The following FBRSL1 variants were observed in gnomAD, a reference collection of about 807,000 sequenced individuals.
The protein encoded by FBRSL1 is fibrosin like 1, also known as fibrosin-1-like protein.
In FBRSL1, 51 loss-of-function variants were observed where a neutral mutation model predicts 89.6. The ratio of observed to expected loss-of-function variants is 0.57; its 90% confidence interval spans 0.45 to 0.72. FBRSL1 has a LOEUF of 0.72. Ranked by LOEUF, FBRSL1 falls within the 30% of genes least tolerant of loss-of-function variation. FBRSL1 has a pLI of 0.00. For missense variants in FBRSL1, 1,618 were observed against 1,451.8 expected, an observed-to-expected ratio of 1.11 and a Z score of -1.86; for synonymous variants, 779 against 681.1, an observed-to-expected ratio of 1.14 and a Z score of -2.24.
At chr12:132,512,511 A>G (rs901151972) in intron 2 of FBRSL1, among the ~76,000 whole-genome samples, 1 of 152,212 alleles carries the variant, frequency 6.6e-6, no homozygotes, top group African/African-American at 2.4e-5. Flanking sequence ...CACCCACACA[A>G]GCCATTGCCC....
Position 132,567,462 on chromosome 12 carries a change from C to A in FBRSL1, c.646-19C>A. The A allele has an allele frequency of 6.4e-7, 1 of 1,551,026 alleles. No homozygotes were observed. Among genetic ancestry groups the A allele is most frequent in the Non-Finnish European group, 8.7e-7 (1 of 1,146,816 alleles). The stretch of plus-strand genomic sequence containing the variant: ...GAGGACCACCCTGACTGCCCCTGAC[C>A]CCCCTTCTCTCTCTCCAGGCATCCG... On this transcript the variant is annotated intron_variant, in intron 5 of 18. Transcript: ENST00000680143.
At chr12:132,510,343 T>G (rs2034193700) in intron 2 of FBRSL1, 1 of 1,231,446 alleles carries the variant, frequency 8.1e-7, no homozygotes, top group Admixed American at 4.2e-5. Context: ...CGGCTCTCGC[T>G]CCTGGCCCTG....
chr12:132,583,684 C>T lies in FBRSL1; in HGVS notation c.2915C>T (p.Pro972Leu). 6 of 1,149,846 alleles carry T rather than the reference C, an allele frequency of 5.2e-6. No individual in the cohort carries two copies. The highest frequency in any genetic ancestry group is 6.4e-6 in the Non-Finnish European group (6 of 935,188). 71.2% of individuals were successfully genotyped at this position (1,149,846 alleles called of 1,614,324 possible). ...GGGCCCCCCACGCCCCCCGGGCCGC[C>T]GCGGAGCCGGACTACTCCGCTGGGG... is the stretch of plus-strand genomic sequence containing the variant. ...AAGPPTPPGPPRSRTTPLGGL... is the reference protein window; with the variant it reads ...AAGPPTPPGPLRSRTTPLGGL... Residue 972 changes from proline (P) to leucine (L), a missense_variant, in exon 19 of 19, where the codon CCG (proline) becomes CTG (leucine). Coordinates refer to ENST00000680143, the MANE Select transcript of FBRSL1 (RefSeq NM_001367871.1).
intron 6 of FBRSL1, among the ~76,000 whole-genome samples, 196 bp from the exon 7 acceptor site, chr12:132,569,730 G>A (rs1027664650): frequency 1.3e-4 from 20 of 152,024 alleles, no homozygotes; most frequent in South Asian, 2.1e-4. Flanking sequence ...AGCTCCCTCC[G>A]CCGGGCGGGG....
At chr12:132,507,491 C>G (rs61952074) in intron 1 of FBRSL1, 1 of 927,400 alleles carries the variant, frequency 1.1e-6, no homozygotes. Context: ...TGGGGCTGTC[C>G]GCAGGCTAGA....
chr12:132,578,725 C>G (rs4883514), intron 15 of FBRSL1, among the ~76,000 whole-genome samples: 1 of 131,286 alleles, frequency 7.6e-6, no homozygotes, highest in South Asian at 2.6e-4. Flanking sequence ...CGCTGCAGCC[C>G]CCCCTCACTC....
intron 2 of FBRSL1, among the ~76,000 whole-genome samples, chr12:132,508,722 T>C (rs1486408361): frequency 6.6e-6 from 1 of 152,254 alleles, no homozygotes; most frequent in African/African-American, 2.4e-5. Flanking sequence ...TCCAGGCTCA[T>C]TGCCGAGGGC....
chr12:132,531,515 A>G (rs1314449317), intron 4 of FBRSL1, among the ~76,000 whole-genome samples: 1 of 150,818 alleles, frequency 6.6e-6, no homozygotes, highest in Non-Finnish European at 1.5e-5. Context: ...CTTGTAGAAC[A>G]GTGTCACGGG....
chr12:132,561,883 C>T (rs2039159637), intron 5 of FBRSL1, among the ~76,000 whole-genome samples: 1 of 152,190 alleles, frequency 6.6e-6, no homozygotes, highest in Non-Finnish European at 1.5e-5. Flanking sequence ...GCACTGGATC[C>T]CCATCCTTGC....
At chr12:132,555,427 C>G (rs1482893729) in intron 5 of FBRSL1, among the ~76,000 whole-genome samples, 10 of 134,832 alleles carry the variant, frequency 7.4e-5, no homozygotes, top group African/African-American at 3.0e-4. Flanking sequence ...GTGAGCATGG[C>G]CTCCACGGTA....
Position 132,583,572 on chromosome 12 carries a change from C to T in FBRSL1, c.2803C>T (p.Pro935Ser). ...LGALHFPRLS[P>S]AALHNGLLAR... The stretch of plus-strand genomic sequence containing the variant: ...AGCCCTGCACTTCCCGCGCCTCTCG[C>T]CCGCCGCGCTGCACAATGGGCTCCT... The change falls in exon 19 of 19, where the codon CCC (proline) becomes TCC (serine). Residue 935 changes from proline to serine, a missense_variant. Physicochemically the swap from Pro to Ser is moderately conservative, Grantham distance 74. Coordinates refer to ENST00000680143, the MANE Select transcript of FBRSL1 (RefSeq NM_001367871.1). 11 of 1,020,462 alleles carry T rather than the reference C, an allele frequency of 1.1e-5. No homozygotes were observed. The highest frequency in any genetic ancestry group is 1.2e-5 in the Non-Finnish European group (10 of 853,400). The allele number at this position is 1,020,462 out of a possible 1,614,324, so 63.2% of individuals were successfully genotyped here. A position where few individuals can be genotyped will look rare whatever the true frequency, so the allele number is the denominator to read the frequency against.
intron 18 of FBRSL1, among the ~76,000 whole-genome samples, chr12:132,582,736 G>C (rs1010975766): frequency 6.6e-6 from 1 of 152,256 alleles, no homozygotes; most frequent in South Asian, 2.1e-4. Context: ...GGGAGCCGAA[G>C]TCGCTGCAGG....
At chr12:132,581,160 C>T (rs1398275126) in intron 15 of FBRSL1, 2 of 985,010 alleles carry the variant, frequency 2.0e-6, no homozygotes, top group African/African-American at 1.8e-5. Flanking sequence ...GTTGCAGCCC[C>T]TTTGCTCCGA....
intron 9 of FBRSL1, 67 bp from the exon 10 acceptor site, chr12:132,572,221 G>GCGGGGCC (rs1012800625): frequency 1.4e-6 from 2 of 1,469,594 alleles, no homozygotes; most frequent in South Asian, 1.2e-5. Flanking sequence ...GGCCAGGTGG[G>GCGGGGCC]CGGGGCCCGG....
chr12:132,576,184 C>T lies in FBRSL1; in HGVS notation c.1702-615C>T, dbSNP rs372950563. Among the ~76,000 whole-genome samples, 29 of 136,146 alleles carry T rather than the reference C, an allele frequency of 2.1e-4. 1 individual carries two copies. In the East Asian group the frequency reaches 2.2e-3, roughly 10 times the overall value. The allele number at this position is 136,146 out of a possible 152,430, so 89.3% of individuals were successfully genotyped here. On this transcript the variant is annotated intron_variant, in intron 14 of 18. Transcript: ENST00000680143. ...GGAACAACTTGGGCACGTGAGCATG[C>T]TTTTTCAGTTTCTTTTTTTTTTTCT... is the stretch of plus-strand genomic sequence containing the variant.
intron 4 of FBRSL1, among the ~76,000 whole-genome samples, chr12:132,544,690 G>T (rs1593426035): frequency 6.6e-6 from 1 of 152,020 alleles, no homozygotes; most frequent in Non-Finnish European, 1.5e-5. Flanking sequence ...TAATGAGGAT[G>T]GTGTTGGTGG....
intron 1 of FBRSL1, among the ~76,000 whole-genome samples, chr12:132,497,233 G>T (rs2032188650): frequency 6.6e-6 from 1 of 152,222 alleles, no homozygotes; most frequent in South Asian, 2.1e-4. Context: ...CTGGTGACCA[G>T]TTAGAGACCC....
chr12:132,503,808 C>A (rs1184422895), intron 1 of FBRSL1, among the ~76,000 whole-genome samples: 1 of 152,212 alleles, frequency 6.6e-6, no homozygotes, highest in African/African-American at 2.4e-5. Context: ...AGGCTCTGGG[C>A]TTTGGGCCTG....
At chr12:132,512,854 C>CGTGG (rs1566121785) in intron 2 of FBRSL1, among the ~76,000 whole-genome samples, 2 of 152,184 alleles carry the variant, frequency 1.3e-5, no homozygotes, top group African/African-American at 4.8e-5. Context: ...AGAGGACACC[C>CGTGG]GTGGAGGAAA....
Sources: gnomAD v4.1 joint callset for allele counts (sites outside exome capture counted in the v4.1 genomes callset) on GRCh38, gnomAD v4.1.1 for gene constraint, MANE v1.5 for transcripts, NCBI Gene and HGNC (gene_info 2026-07-23, HGNC 2026-07-21) for gene names.